Variants in ZSCAN18 observed in about 807,000 individuals in gnomAD.
The protein encoded by ZSCAN18 is zinc finger and SCAN domain-containing protein 18.
A neutral mutation model predicts 31.1 loss-of-function variants in ZSCAN18; 16 were observed. The observed-to-expected ratio is 0.51, with a 90% CI of 0.35 to 0.78. The LOEUF (loss-of-function observed/expected upper bound fraction) is 0.78. Ranked by LOEUF, ZSCAN18 falls within the 30% of genes least tolerant of loss-of-function variation. The pLI is 0.01. For missense variants in ZSCAN18, 731 were observed against 697.4 expected, an observed-to-expected ratio of 1.05 and a Z score of -0.54; for synonymous variants, 375 against 320.7, an observed-to-expected ratio of 1.17 and a Z score of -1.81.
chr19:58,092,867 G>T, intron 1 of ZSCAN18: 1 of 233,440 alleles, frequency 4.3e-6, no homozygotes. Flanking sequence ...TCAACCTCCT[G>T]AGCTCAAGTG....
At position 58,084,857 on chromosome 19, in the gene ZSCAN18, A is replaced by AT. The variant is rs2074230667; in HGVS notation, c.1360_1361insA (p.Leu454HisfsTer36). The AT allele has an allele frequency of 6.2e-7, 1 of 1,600,526 alleles. No homozygotes were observed. Among genetic ancestry groups the AT allele is most frequent in the Non-Finnish European group, 8.5e-7 (1 of 1,175,260 alleles). ...GGTCTTCTGGTGCTCGGCTAGGGCC[A>AT]GGCTGAAGTGGAAGGTCTTCCAGCA... On this transcript the variant is annotated frameshift_variant, in exon 7 of 7. Transcript: ENST00000601144. LOFTEE classifies it low-confidence loss of function (END_TRUNC). The surrounding 1 kb of genome is among the most constrained non-coding windows in gnomAD (Gnocchi z 4.5).
intron 4 of ZSCAN18, 44 bp from the exon 5 acceptor site, chr19:58,087,052 A>G (rs1366625520): frequency 6.8e-7 from 1 of 1,480,096 alleles, no homozygotes; most frequent in Non-Finnish European, 9.2e-7. Flanking sequence ...TGCCCTAGAG[A>G]AGGGAGGACC....
At chr19:58,110,982 C>CA (rs1051122248) in intron 1 of ZSCAN18, among the ~76,000 whole-genome samples, 8 of 152,048 alleles carry the variant, frequency 5.3e-5, no homozygotes, top group African/African-American at 1.9e-4. Flanking sequence ...TCCTGGCTAA[C>CA]ACAGTGAAAC....
chr19:58,109,320 G>A, intron 1 of ZSCAN18: 7 of 1,231,514 alleles, frequency 5.7e-6, no homozygotes, highest in Non-Finnish European at 7.1e-6. Context: ...AGGAAAAGGG[G>A]AAAATTTTTG....
intron 1 of ZSCAN18, 165 bp downstream of exon 1, chr19:58,098,009 G>A (rs10421140): frequency 0.17 from 169,933 of 985,324 alleles, 14,745 homozygotes; most frequent in African/African-American, 0.22. Context: ...TCCACGCGAA[G>A]GGATGCCAGA....
intron 1 of ZSCAN18, among the ~76,000 whole-genome samples, chr19:58,116,359 G>A (rs532681852): frequency 1.3e-5 from 2 of 151,270 alleles, no homozygotes; most frequent in Admixed American, 6.6e-5. Flanking sequence ...TACTGAACAC[G>A]TACTGTATGC....
At chr19:58,109,176 C>T (rs942487074) in intron 1 of ZSCAN18, 2 of 1,231,304 alleles carry the variant, frequency 1.6e-6, no homozygotes, top group East Asian at 3.2e-5. Context: ...CCTCACATTC[C>T]CAGACCTCTC....
intron 1 of ZSCAN18, among the ~76,000 whole-genome samples, chr19:58,112,927 G>T (rs1456755919): frequency 7.1e-5 from 6 of 84,444 alleles, no homozygotes; most frequent in South Asian, 4.1e-4. Flanking sequence ...CTCTAGCCTG[G>T]GCGATAAAGC....
chr19:58,107,682 C>T, intron 1 of ZSCAN18: 2 of 987,452 alleles, frequency 2.0e-6, no homozygotes, highest in Non-Finnish European at 2.4e-6. Flanking sequence ...ATAAACTCTT[C>T]AACATGAAGT....
upstream of ZSCAN18, among the ~76,000 whole-genome samples, chr19:58,101,000 AG>A (rs2074588631): frequency 6.6e-6 from 1 of 152,240 alleles, no homozygotes; most frequent in Non-Finnish European, 1.5e-5. Context: ...AAAATCAGTC[AG>A]GAATATCTTT....
intron 1 of ZSCAN18, chr19:58,108,457 G>GC (rs1198532052): frequency 1.0e-6 from 1 of 985,408 alleles, no homozygotes; most frequent in East Asian, 1.1e-4. Context: ...GTTTTCTCAT[G>GC]CTTGGTAAAG....
rs2074394857 is a variant in ZSCAN18, at chr19:58,090,775, A to G, written c.-119-389T>C. 6.6e-6 allele frequency among the ~76,000 whole-genome samples: 1 copy of G among 151,672 alleles called. No individual in the cohort carries two copies. Among genetic ancestry groups the G allele is most frequent in the Non-Finnish European group, 1.5e-5 (1 of 67,932 alleles). ...CAGCTACTTTTTGTATTTTTAGTGGAGATGGGGTTTCACCATGTTGGCCAG... is the reference window on the plus strand; with the variant it reads ...CAGCTACTTTTTGTATTTTTAGTGGGGATGGGGTTTCACCATGTTGGCCAG... On this transcript the variant is annotated intron_variant, in intron 1 of 6. Coordinates refer to ENST00000601144, the MANE Select transcript of ZSCAN18 (RefSeq NM_001145543.2). The surrounding 1 kb of genome is among the most constrained non-coding windows in gnomAD (Gnocchi z 4.7).
intron 1 of ZSCAN18, among the ~76,000 whole-genome samples, chr19:58,117,893 G>A (rs2074744957): frequency 6.6e-6 from 1 of 152,142 alleles, no homozygotes; most frequent in Admixed American, 6.5e-5. Flanking sequence ...GGCGAAGGGA[G>A]AGGAAATTCG....
chr19:58,086,408 G>A, intron 5 of ZSCAN18, 142 bp from the exon 6 acceptor site: 1 of 673,154 alleles, frequency 1.5e-6, no homozygotes. Context: ...CCACCTCCCT[G>A]TTAGGCCCCT....
intron 1 of ZSCAN18, among the ~76,000 whole-genome samples, chr19:58,112,909 C>A (rs1225231663): frequency 7.6e-6 from 1 of 132,008 alleles, no homozygotes; most frequent in African/African-American, 2.8e-5. Context: ...CAAAATCACA[C>A]CACTGCACTC....
At chr19:58,086,082 GC>G in intron 6 of ZSCAN18, 91 bp downstream of exon 6, 5 of 1,065,964 alleles carry the variant, frequency 4.7e-6, no homozygotes, top group Non-Finnish European at 7.1e-6. Context: ...TGAGGTCTTT[GC>G]TGGGGCTGAT....
chr19:58,107,654 T>C (rs751761031), intron 1 of ZSCAN18: 136 of 985,844 alleles, frequency 1.4e-4, no homozygotes, highest in Admixed American at 3.1e-4. Flanking sequence ...AAAAACATAT[T>C]TGTTACTTTC....
chr19:58,116,129 C>T (rs2074728074), intron 1 of ZSCAN18, among the ~76,000 whole-genome samples: 1 of 150,324 alleles, frequency 6.7e-6, no homozygotes, highest in Admixed American at 6.7e-5. Context: ...AACACACGCA[C>T]GCATGCACAC....
At chr19:58,089,330 A>C (rs984478845) in intron 2 of ZSCAN18, among the ~76,000 whole-genome samples, 1 of 129,668 alleles carries the variant, frequency 7.7e-6, no homozygotes, top group Non-Finnish European at 1.7e-5. Context: ...AAAAAAAAAA[A>C]AAAAAAAAGA....
Sources: allele counts gnomAD v4.1 joint callset (sites outside exome capture counted in the v4.1 genomes callset), GRCh38; gene constraint gnomAD v4.1.1; non-coding constraint Gnocchi (gnomAD v3.1); transcripts MANE v1.5; gene names NCBI Gene and HGNC (gene_info 2026-07-23, HGNC 2026-07-21).